GLP1R: variants seen among roughly 807,000 people sequenced by gnomAD.
The protein encoded by GLP1R is glucagon like peptide 1 receptor.
GLP1R carries 32 observed loss-of-function variants against 68.4 expected under a neutral mutation model. The observed-to-expected ratio is 0.47, with a 90% CI of 0.35 to 0.63. The LOEUF (loss-of-function observed/expected upper bound fraction) is 0.63. GLP1R is among the 20% of genes least tolerant of loss of function. The pLI is 0.00. For synonymous variants in GLP1R, 263 were observed against 244.4 expected, an observed-to-expected ratio of 1.08 and a Z score of -0.71; for missense variants, 502 against 594.9, an observed-to-expected ratio of 0.84 and a Z score of 1.62.
In GLP1R at chr6:39,080,793, G is replaced by A. The variant is rs1333915728; in HGVS notation, c.1224+54G>A. The A allele has an allele frequency of 1.9e-5, 21 of 1,120,316 alleles. 1 individual carries two copies. The highest frequency in any genetic ancestry group is 4.3e-4 in the Middle Eastern group (2 of 4,674). 69.4% of individuals were successfully genotyped at this position (1,120,316 alleles called of 1,614,324 possible). A position where few individuals can be genotyped will look rare whatever the true frequency, so the allele number is the denominator to read the frequency against. ...CCTGGTGGGTGGGTACCATCAGCCC[G>A]TCTGGAGTAGTACAATGGGGACTCC... On this transcript the variant is annotated intron_variant, in intron 12 of 12. Coordinates refer to ENST00000373256, the MANE Select transcript of GLP1R (RefSeq NM_002062.5).
intron 3 of GLP1R, among the ~76,000 whole-genome samples, chr6:39,063,235 A>G (rs1319844239): frequency 6.6e-6 from 1 of 152,124 alleles, no homozygotes; most frequent in Non-Finnish European, 1.5e-5. Flanking sequence ...TCAGGTCCCC[A>G]TCACTGCTTT....
intron 6 of GLP1R, among the ~76,000 whole-genome samples, chr6:39,073,234 A>C (rs1768723002): frequency 6.6e-6 from 1 of 152,140 alleles, no homozygotes; most frequent in African/African-American, 2.4e-5. Context: ...AAGGGAGGAG[A>C]CACTGCCCTA....
chr6:39,085,935 G>A lies in GLP1R; in HGVS notation c.1254G>A (p.Glu418=), dbSNP rs757507531. 5.0e-6 allele frequency: 8 copies of A among 1,613,910 alleles called. No individual in the cohort carries two copies. The highest frequency in any genetic ancestry group is 1.7e-4 in the Middle Eastern group (1 of 6,060). ...AGCTGGAATTTCGGAAGAGCTGGGA[G>A]CGCTGGCGGCTTGAGCACTTGCACA... is the stretch of plus-strand genomic sequence containing the variant. ...EVQLEFRKSW[E]RWRLEHLHIQ... Residue 418 remains glutamate (E), a synonymous_variant, in exon 13 of 13, where the codon GAG becomes GAA. Transcript: ENST00000373256.
chr6:39,085,666 G>C (rs1364377490), intron 12 of GLP1R, among the ~76,000 whole-genome samples: 1 of 152,224 alleles, frequency 6.6e-6, no homozygotes, highest in Non-Finnish European at 1.5e-5. Context: ...ACAGAGTTTA[G>C]AGATGGAAAA....
At position 39,072,396 on chromosome 6, in the gene GLP1R, C is replaced by T. The variant is rs10305470; in HGVS notation, c.510-466C>T. On this transcript the variant is annotated intron_variant, in intron 5 of 12. Coordinates refer to ENST00000373256, the MANE Select transcript of GLP1R (RefSeq NM_002062.5). ...CATTAGGTTAAGAAATGCCCCTGTA[C>T]TTTCAATTTGCTACACATTTTCACA... Among the ~76,000 whole-genome samples, 1,168 of 152,328 alleles carry T rather than the reference C, an allele frequency of 7.7e-3. 17 individuals are homozygous for T. Among genetic ancestry groups the T allele is most frequent in the African/African-American group, 0.025 (1,048 of 41,570 alleles).
chr6:39,072,535 T>C (rs192620415), intron 5 of GLP1R, among the ~76,000 whole-genome samples: 1 of 152,366 alleles, frequency 6.6e-6, no homozygotes, highest in Non-Finnish European at 1.5e-5. Flanking sequence ...GAAGCAGTGT[T>C]CCCACTGGGG....
Position 39,048,904 on chromosome 6 carries a change from GGCCCCC to G in GLP1R, c.71_76del (p.Arg24_Pro25del). On this transcript the variant is annotated inframe_deletion, in exon 1 of 13. Coordinates refer to ENST00000373256, the MANE Select transcript of GLP1R (RefSeq NM_002062.5). Reference sequence around the variant, plus strand: ...GCTGCTCGGGATGGTGGGCAGGGCCGGCCCCCGCCCCCAGGTGAGATCCAGGGACCC... The same window carrying G: ...GCTGCTCGGGATGGTGGGCAGGGCCGGCCCCCAGGTGAGATCCAGGGACCC... The G allele has an allele frequency of 7.1e-7, 1 of 1,415,818 alleles. No individual in the cohort carries two copies. Among genetic ancestry groups the G allele is most frequent in the Non-Finnish European group, 9.3e-7 (1 of 1,081,032 alleles). 87.7% of individuals were successfully genotyped at this position (1,415,818 alleles called of 1,614,324 possible).
In GLP1R at chr6:39,049,064, A is replaced by G. The variant is rs1348158630; in HGVS notation, c.78+146A>G. The G allele has an allele frequency of 1.1e-5, 5 of 473,970 alleles. No homozygotes were observed. The highest frequency in any genetic ancestry group is 1.5e-5 in the Non-Finnish European group (4 of 270,760). The allele number at this position is 473,970 out of a possible 1,614,324, so 29.4% of individuals were successfully genotyped here. On this transcript the variant is annotated intron_variant, in intron 1 of 12. Transcript: ENST00000373256. This position sits in a 1 kb window ranked among gnomAD's most constrained non-coding sequence, Gnocchi z 4.5. Reference sequence around the variant, plus strand: ...TCCGAAAGCCTCGGGGGGAGTAGGGACTGGAGACTTGGTGCCCCTGGGCTG... The same window carrying G: ...TCCGAAAGCCTCGGGGGGAGTAGGGGCTGGAGACTTGGTGCCCCTGGGCTG...
chr6:39,068,276 G>C (rs972467585), intron 5 of GLP1R, among the ~76,000 whole-genome samples: 1 of 152,134 alleles, frequency 6.6e-6, no homozygotes, highest in Non-Finnish European at 1.5e-5. Context: ...GGTGGGAGTT[G>C]GGTCCCCAAG....
intron 5 of GLP1R, among the ~76,000 whole-genome samples, chr6:39,066,676 T>C (rs2150828241): frequency 6.6e-6 from 1 of 152,276 alleles, no homozygotes; most frequent in South Asian, 2.1e-4. Flanking sequence ...GAAAAGATCT[T>C]GGGGATTAGA....
At chr6:39,068,006 G>T (rs7766663) in intron 5 of GLP1R, among the ~76,000 whole-genome samples, 66,313 of 152,008 alleles carry the variant, frequency 0.44, 15,092 homozygotes, top group Admixed American at 0.5. Context: ...ATTGAGAGGC[G>T]AAAGTGGGAA....
intron 7 of GLP1R, chr6:39,074,346 A>AC (rs1468802416): frequency 2.0e-5 from 3 of 151,602 alleles, no homozygotes; most frequent in Admixed American, 6.6e-5. Context: ...TTTGCCAAGA[A>AC]CCATTGTGTC....
chr6:39,073,752 A>C lies in GLP1R; in HGVS notation c.806A>C (p.Tyr269Ser). Residue 269 changes from tyrosine to serine, a missense_variant, in exon 7 of 13, where the codon TAC becomes TCC. Coordinates refer to ENST00000373256, the MANE Select transcript of GLP1R (RefSeq NM_002062.5). The stretch of plus-strand genomic sequence containing the variant: ...TCTGAGCAATGGATCTTCAGGCTCT[A>C]CGTGAGCATAGGCTGGGGTAAGAAC... The part of the protein sequence containing the change: ...VLSEQWIFRL[Y>S]VSIGWGVPLL... 3 of 1,613,970 alleles carry C rather than the reference A, an allele frequency of 1.9e-6. No individual in the cohort carries two copies. The highest frequency in any genetic ancestry group is 2.5e-6 in the Non-Finnish European group (3 of 1,179,930).
At chr6:39,050,285 C>T (rs553085868) in intron 1 of GLP1R, among the ~76,000 whole-genome samples, 8 of 152,268 alleles carry the variant, frequency 5.3e-5, no homozygotes, top group East Asian at 1.9e-4. Flanking sequence ...TCTTGCCCAT[C>T]GTTCCCTCCT....
At position 39,048,847 on chromosome 6, in the gene GLP1R, G is replaced by A. The variant is rs1768021603; in HGVS notation, c.7G>A (p.Gly3Ser). ...CAGTCCTGAACTCCCCGCCATGGCC[G>A]GCGCCCCCGGCCCGCTGCGCCTTGC... is the stretch of plus-strand genomic sequence containing the variant. MA[G>S]APGPLRLALL... Residue 3 changes from glycine (G) to serine (S), a missense_variant, in exon 1 of 13, where the codon GGC becomes AGC. Coordinates refer to ENST00000373256, the MANE Select transcript of GLP1R (RefSeq NM_002062.5). The A allele has an allele frequency of 1.4e-6, 2 of 1,476,038 alleles. No homozygotes were observed. The highest frequency in any genetic ancestry group is 1.8e-6 in the Non-Finnish European group (2 of 1,106,966). The allele number at this position is 1,476,038 out of a possible 1,614,324, so 91.4% of individuals were successfully genotyped here. A position where few individuals can be genotyped will look rare whatever the true frequency, so the allele number is the denominator to read the frequency against.
At chr6:39,070,399 T>C (rs1768628731) in intron 5 of GLP1R, among the ~76,000 whole-genome samples, 1 of 152,246 alleles carries the variant, frequency 6.6e-6, no homozygotes. Context: ...TGAGTTGTTC[T>C]CTTTTTTTCT....
chr6:39,078,394 G>A lies in GLP1R; in HGVS notation c.884+12G>A. The A allele has an allele frequency of 1.3e-6, 2 of 1,596,934 alleles. No homozygotes were observed. Among genetic ancestry groups the A allele is most frequent in the East Asian group, 2.2e-5 (1 of 44,744 alleles). On this transcript the variant is annotated intron_variant, in intron 8 of 12. Coordinates refer to ENST00000373256, the MANE Select transcript of GLP1R (RefSeq NM_002062.5). ...TATGAGGACGAGGGGTGAGTGTCCT[G>A]CTCCAAGGGGGCGGGTGTGCCCAGG...
chr6:39,070,304 T>C (rs1200945569), intron 5 of GLP1R, among the ~76,000 whole-genome samples: 1 of 152,262 alleles, frequency 6.6e-6, no homozygotes, highest in Non-Finnish European at 1.5e-5. Context: ...ACACGAGCAG[T>C]CCTGTTTTGT....
Position 39,091,118 on chromosome 6 carries a change from C to T in GLP1R, c.*5045C>T, listed in dbSNP as rs1769267887. On this transcript the variant is annotated 3_prime_UTR_variant, in exon 13 of 13. Transcript: ENST00000373256. ...CTTCAGTGCTCTTGGGGGATGTTTG[C>T]TCCTCATGAGTGTTTAAACAAGATC... 6.6e-6 allele frequency among the ~76,000 whole-genome samples: 1 copy of T among 152,186 alleles called. No individual in the cohort carries two copies. The highest frequency in any genetic ancestry group is 1.9e-4 in the East Asian group (1 of 5,200).
Sources: gnomAD v4.1 joint callset for allele counts (sites outside exome capture counted in the v4.1 genomes callset) on GRCh38, gnomAD v4.1.1 for gene constraint, Gnocchi (gnomAD v3.1) non-coding constraint, MANE v1.5 for transcripts, NCBI Gene and HGNC (gene_info 2026-07-23, HGNC 2026-07-21) for gene names.